The following SBF2 variants were observed in gnomAD, a reference collection of about 807,000 sequenced individuals.
SBF2 encodes SET binding factor 2.
A neutral mutation model predicts 225.2 loss-of-function variants in SBF2; 112 were observed. The observed-to-expected ratio is 0.50, with a 90% CI of 0.43 to 0.58. The LOEUF (loss-of-function observed/expected upper bound fraction) is 0.58, where lower values mean the gene tolerates loss of function less well. Among genes scored for constraint, SBF2 ranks in the 20% least tolerant of loss-of-function variants. The probability of loss-of-function intolerance (pLI) is 0.00; values close to 1 mark genes in which losing one functional copy is unlikely to be tolerated. For missense variants in SBF2, 1,996 were observed against 2,206.2 expected, an observed-to-expected ratio of 0.90 and a Z score of 1.91; for synonymous variants, 763 against 773.3, an observed-to-expected ratio of 0.99 and a Z score of 0.22.
At chr11:9,918,639 G>A (rs1271522249) in intron 16 of SBF2, among the ~76,000 whole-genome samples, 1 of 152,188 alleles carries the variant, frequency 6.6e-6, no homozygotes, top group Non-Finnish European at 1.5e-5. Flanking sequence ...CCAAAGTGCT[G>A]AGATTACATT....
At position 9,999,179 on chromosome 11, in the gene SBF2, C is replaced by T. The variant is rs72857174; in HGVS notation, c.862-800G>A. Among the ~76,000 whole-genome samples, 360 of 152,132 alleles carry T rather than the reference C, an allele frequency of 2.4e-3. 1 individual carries two copies. The South Asian group carries it at 0.025, about 11-fold the overall frequency. On this transcript the variant is annotated intron_variant, in intron 8 of 39. Transcript: ENST00000256190. ...ATACTTCATTCTAATTTATTCATTACGATTTTAAGAAATTTGCATTTGGCA... is the reference window on the plus strand; with the variant it reads ...ATACTTCATTCTAATTTATTCATTATGATTTTAAGAAATTTGCATTTGGCA...
chr11:9,956,028 T>G (rs1866144022), intron 16 of SBF2, among the ~76,000 whole-genome samples: 1 of 152,122 alleles, frequency 6.6e-6, no homozygotes, highest in African/African-American at 2.4e-5. Flanking sequence ...CTCATGACAG[T>G]GCTGAATTGT....
chr11:9,993,838 C>A (rs570490237), intron 10 of SBF2, 83 bp downstream of exon 10: 1 of 1,390,520 alleles, frequency 7.2e-7, no homozygotes, highest in African/African-American at 1.4e-5. Flanking sequence ...CTAACTCTAA[C>A]TTCACTTAGC....
rs1333579292 is a variant in SBF2, at chr11:9,998,639, CAG to C, written c.862-262_862-261del. Among the ~76,000 whole-genome samples, 5 of 152,200 alleles carry C rather than the reference CAG, an allele frequency of 3.3e-5. No homozygotes were observed. In the East Asian group the frequency reaches 9.6e-4, roughly 29 times the overall value. On this transcript the variant is annotated intron_variant, in intron 8 of 39. Transcript: ENST00000256190. ...ACATGTGTTTTCCTGTCCTTCAAGA[CAG>C]GGGATATGTAAAGCTCTCCTATGCT...
chr11:10,248,904 G>A (rs1018580842), intron 1 of SBF2, among the ~76,000 whole-genome samples: 1 of 152,122 alleles, frequency 6.6e-6, no homozygotes, highest in African/African-American at 2.4e-5. Context: ...GACCATCCAG[G>A]CTAACACAGT....
At chr11:9,803,991 G>C (rs1423112163) in intron 32 of SBF2, among the ~76,000 whole-genome samples, 2 of 152,138 alleles carry the variant, frequency 1.3e-5, no homozygotes, top group African/African-American at 4.8e-5. Flanking sequence ...CCCAAGTATT[G>C]AGTAATGCAG....
intron 1 of SBF2, among the ~76,000 whole-genome samples, chr11:10,211,951 TATG>T (rs1957957781): frequency 6.6e-6 from 1 of 152,234 alleles, no homozygotes; most frequent in Admixed American, 6.5e-5. Context: ...AGAAGCAGCT[TATG>T]ATAATACACC....
intron 2 of SBF2, among the ~76,000 whole-genome samples, chr11:10,193,209 T>A (rs1465173652): frequency 1.3e-5 from 2 of 151,820 alleles, no homozygotes; most frequent in Admixed American, 1.3e-4. Context: ...TTTGTTTTGT[T>A]TTTACTAAGA....
chr11:9,860,885 ATT>A (rs1857679771), intron 17 of SBF2, among the ~76,000 whole-genome samples: 3 of 152,218 alleles, frequency 2.0e-5, no homozygotes, highest in Admixed American at 2.0e-4. Context: ...AAAGTTATTA[ATT>A]AAACATCTTT....
At chr11:9,791,363 G>T (rs74552078) in intron 33 of SBF2, 3 of 150,658 alleles carry the variant, frequency 2.0e-5, no homozygotes, top group African/African-American at 4.9e-5. Flanking sequence ...CTCAGCAGTG[G>T]TGTCTTGCTT....
At chr11:10,297,115 A>T (rs1242637629), upstream of SBF2, among the ~76,000 whole-genome samples, 3 of 152,014 alleles carry the variant, frequency 2.0e-5, no homozygotes, top group African/African-American at 7.3e-5. Flanking sequence ...TCCTTGTCAG[A>T]TATATGATTT....
intron 1 of SBF2, among the ~76,000 whole-genome samples, chr11:10,256,177 G>T (rs1960850132): frequency 6.6e-6 from 1 of 152,098 alleles, no homozygotes; most frequent in Admixed American, 6.5e-5. Flanking sequence ...CACTGGCCAG[G>T]ATAAAATAAA....
chr11:9,798,658 C>A (rs1171889944), intron 32 of SBF2, among the ~76,000 whole-genome samples: 2 of 152,098 alleles, frequency 1.3e-5, no homozygotes, highest in African/African-American at 4.8e-5. Flanking sequence ...TTTATTAAAG[C>A]CTCAAGGGCC....
chr11:10,124,187 A>G (rs1409704609), intron 2 of SBF2, among the ~76,000 whole-genome samples: 1 of 152,132 alleles, frequency 6.6e-6, no homozygotes, highest in Non-Finnish European at 1.5e-5. Flanking sequence ...GTTTAGTTTT[A>G]CTATTAAGTT....
intron 2 of SBF2, among the ~76,000 whole-genome samples, chr11:10,090,764 CAAA>C (rs201577494): frequency 0.072 from 3,175 of 44,260 alleles, 149 homozygotes; most frequent in East Asian, 0.29. Flanking sequence ...GATTCCATCT[CAAA>C]AAAAAAAAAA....
chr11:9,966,148 C>T (rs945743338), intron 14 of SBF2, among the ~76,000 whole-genome samples: 3 of 151,622 alleles, frequency 2.0e-5, no homozygotes, highest in African/African-American at 7.3e-5. Context: ...TACAGTGGTG[C>T]GATCTTGGCT....
intron 32 of SBF2, among the ~76,000 whole-genome samples, chr11:9,802,651 A>C (rs2133885704): frequency 6.6e-6 from 1 of 152,346 alleles, no homozygotes; most frequent in East Asian, 1.9e-4. Flanking sequence ...ATTATCTGGT[A>C]AAAGCCAGAG....
At chr11:10,269,966 G>A (rs937912511) in intron 1 of SBF2, among the ~76,000 whole-genome samples, 1 of 151,986 alleles carries the variant, frequency 6.6e-6, no homozygotes, top group Non-Finnish European at 1.5e-5. Context: ...AAAATTTACT[G>A]CCTCTCTATT....
intron 14 of SBF2, among the ~76,000 whole-genome samples, chr11:9,966,426 T>C (rs1195269437): frequency 2.0e-5 from 3 of 152,260 alleles, no homozygotes; most frequent in South Asian, 4.1e-4. Flanking sequence ...ATGTTTACTA[T>C]CTGGAATTTT....
Sources: gnomAD v4.1 joint callset for allele counts (sites outside exome capture counted in the v4.1 genomes callset) on GRCh38, gnomAD v4.1.1 for gene constraint, MANE v1.5 for transcripts, NCBI Gene and HGNC (gene_info 2026-07-23, HGNC 2026-07-21) for gene names.